ILRUN: variants seen among roughly 807,000 people sequenced by gnomAD.
ILRUN encodes the protein inflammation and lipid regulator with UBA-like and NBR1-like domains.
A neutral mutation model predicts 33.8 loss-of-function variants in ILRUN; 3 were observed. That is an observed-to-expected ratio of 0.09 (90% confidence interval 0.04 to 0.23). The LOEUF is 0.23. ILRUN is among the 10% of genes least tolerant of loss of function. ILRUN has a pLI of 1.00. For synonymous variants in ILRUN, 124 were observed against 138.9 expected, an observed-to-expected ratio of 0.89 and a Z score of 0.75; for missense variants, 210 against 375.1, an observed-to-expected ratio of 0.56 and a Z score of 3.64.
intron 4 of ILRUN, among the ~76,000 whole-genome samples, chr6:34,591,484 C>G (rs1047905625): frequency 6.6e-6 from 1 of 151,026 alleles, no homozygotes; most frequent in Non-Finnish European, 1.5e-5. Context: ...GGCAACAGAG[C>G]GAAATCCTGT....
At chr6:34,680,753 A>C (rs1300903148) in intron 1 of ILRUN, among the ~76,000 whole-genome samples, 2 of 151,610 alleles carry the variant, frequency 1.3e-5, no homozygotes, top group Non-Finnish European at 2.9e-5. Flanking sequence ...TTTTATTTTT[A>C]TATTTTTTTC....
intron 4 of ILRUN, among the ~76,000 whole-genome samples, chr6:34,593,284 T>C (rs1360622036): frequency 2.0e-5 from 3 of 152,212 alleles, no homozygotes; most frequent in Admixed American, 2.0e-4. Flanking sequence ...ATGAAATATT[T>C]ACCCCTTTAC....
chr6:34,678,970 A>G (rs76082214), intron 1 of ILRUN, among the ~76,000 whole-genome samples: 8,825 of 152,044 alleles, frequency 0.058, 495 homozygotes, highest in East Asian at 0.32. Context: ...TTAGCACATG[A>G]AAGTACTCAT....
At chr6:34,660,930 C>T (rs2814999) in intron 1 of ILRUN, among the ~76,000 whole-genome samples, 151,534 of 152,362 alleles carry the variant, frequency 0.99, 75,358 homozygotes, top group Middle Eastern at 1. Context: ...CTCTTTAATA[C>T]GTGAAGACAA....
chr6:34,680,038 C>A (rs1413828064), intron 1 of ILRUN, among the ~76,000 whole-genome samples: 1 of 152,236 alleles, frequency 6.6e-6, no homozygotes, highest in African/African-American at 2.4e-5. Context: ...TTTAAGCCAC[C>A]CAGTTTGTGT....
chr6:34,607,577 T>C lies in ILRUN; in HGVS notation c.512-673A>G, dbSNP rs560363577. 1.6e-3 allele frequency among the ~76,000 whole-genome samples: 249 copies of C among 152,302 alleles called. 2 individuals carry two copies. Among genetic ancestry groups the C allele is most frequent in the African/African-American group, 5.6e-3 (231 of 41,554 alleles). On this transcript the variant is annotated intron_variant, in intron 3 of 4. Coordinates refer to ENST00000374023, the MANE Select transcript of ILRUN (RefSeq NM_024294.4). ...TTTCTGTCATACAGTCATGCATTGC[T>C]TAATGAAGAAGATATGTTCTGAGAA...
In ILRUN at chr6:34,588,486, G is replaced by A. The variant is rs771030604; in HGVS notation, c.*2079C>T. The A allele has an allele frequency of 2.0e-5, 7 of 346,722 alleles. No homozygotes were observed. The highest frequency in any genetic ancestry group is 3.1e-4 in the South Asian group (2 of 6,536). The allele number at this position is 346,722 out of a possible 1,614,324, so 21.5% of individuals were successfully genotyped here. ...GGCTACTAAGCAGTAAGAACAGCTG[G>A]GCATGCATGGGCTCCAGGGAGGCAG... On this transcript the variant is annotated 3_prime_UTR_variant, in exon 5 of 5. Coordinates refer to ENST00000374023, the MANE Select transcript of ILRUN (RefSeq NM_024294.4).
chr6:34,616,569 C>G, intron 3 of ILRUN: 3 of 1,518,312 alleles, frequency 2.0e-6, no homozygotes, highest in Non-Finnish European at 1.8e-6. Context: ...AAGGTTCCTG[C>G]TGTGCCAGAA....
At chr6:34,672,964 A>C (rs550933825) in intron 1 of ILRUN, among the ~76,000 whole-genome samples, 1 of 152,358 alleles carries the variant, frequency 6.6e-6, no homozygotes, top group African/African-American at 2.4e-5. Flanking sequence ...CAAAGTTACC[A>C]AAAGTTTTCA....
At chr6:34,695,701 G>A (rs948685685) in intron 1 of ILRUN, among the ~76,000 whole-genome samples, 3 of 151,394 alleles carry the variant, frequency 2.0e-5, no homozygotes, top group Non-Finnish European at 2.9e-5. Context: ...CTTCCCCCAA[G>A]ATCATCTCAT....
intron 3 of ILRUN, among the ~76,000 whole-genome samples, chr6:34,640,491 T>A (rs1488799371): frequency 6.6e-6 from 1 of 151,972 alleles, no homozygotes; most frequent in Non-Finnish European, 1.5e-5. Context: ...GGTGGGCGGA[T>A]CACAAGGTCA....
intron 4 of ILRUN, among the ~76,000 whole-genome samples, chr6:34,597,296 T>A (rs976752134): frequency 2.6e-5 from 4 of 152,242 alleles, no homozygotes; most frequent in Admixed American, 2.0e-4. Flanking sequence ...TAACAGCAAG[T>A]GTGCTAGAAT....
chr6:34,688,555 G>A (rs1000174315), intron 1 of ILRUN, among the ~76,000 whole-genome samples: 4 of 152,246 alleles, frequency 2.6e-5, no homozygotes, highest in East Asian at 1.9e-4. Context: ...GCTCATGCCT[G>A]TAATCCCAGC....
chr6:34,660,201 G>A lies in ILRUN; in HGVS notation c.159-5422C>T, dbSNP rs181234085. On this transcript the variant is annotated intron_variant, in intron 1 of 4. Coordinates refer to ENST00000374023, the MANE Select transcript of ILRUN (RefSeq NM_024294.4). Reference sequence around the variant, plus strand: ...ACCTATAGTCCCAGCCACTCAGGGGGCTGAAGTGGGAGGATCACTTGATCC... The same window carrying A: ...ACCTATAGTCCCAGCCACTCAGGGGACTGAAGTGGGAGGATCACTTGATCC... 5.3e-5 allele frequency among the ~76,000 whole-genome samples: 8 copies of A among 152,080 alleles called. No individual in the cohort carries two copies. The East Asian group carries it at 1.6e-3, about 29-fold the overall frequency.
At chr6:34,602,462 C>T (rs1028829276) in intron 4 of ILRUN, among the ~76,000 whole-genome samples, 1 of 152,110 alleles carries the variant, frequency 6.6e-6, no homozygotes, top group Non-Finnish European at 1.5e-5. Flanking sequence ...TCATCAGTTT[C>T]GCACTGTCCA....
At chr6:34,634,572 GAAAA>G (rs1382820480) in intron 3 of ILRUN, among the ~76,000 whole-genome samples, 1 of 151,860 alleles carries the variant, frequency 6.6e-6, no homozygotes, top group Non-Finnish European at 1.5e-5. Context: ...TCAAAAGAAA[GAAAA>G]AGAGAAGAGA....
chr6:34,639,459 G>A (rs1004103884), intron 3 of ILRUN, among the ~76,000 whole-genome samples: 7 of 152,178 alleles, frequency 4.6e-5, no homozygotes, highest in Non-Finnish European at 2.9e-5. Context: ...AGTAGGAGAT[G>A]AAGCATATTA....
chr6:34,614,219 G>A lies in ILRUN; in HGVS notation c.512-7315C>T, dbSNP rs149274055. Among the ~76,000 whole-genome samples the A allele has an allele frequency of 7.3e-3, 1,114 of 151,892 alleles. 21 individuals are homozygous for A. The highest frequency in any genetic ancestry group is 0.026 in the African/African-American group (1,057 of 41,392). On this transcript the variant is annotated intron_variant, in intron 3 of 4. Coordinates refer to ENST00000374023, the MANE Select transcript of ILRUN (RefSeq NM_024294.4). ...AGGTGGATCGCCAGGTCAGGAGATC[G>A]AGACCATCCTGGCTAAAACGGTGAA...
chr6:34,674,911 C>T (rs1763195825), intron 1 of ILRUN, among the ~76,000 whole-genome samples: 1 of 151,986 alleles, frequency 6.6e-6, no homozygotes, highest in Admixed American at 6.6e-5. Context: ...CACATACACA[C>T]AAAAAAATTT....
Sources: allele counts gnomAD v4.1 joint callset (sites outside exome capture counted in the v4.1 genomes callset), GRCh38; gene constraint gnomAD v4.1.1; transcripts MANE v1.5; gene names NCBI Gene and HGNC (gene_info 2026-07-23, HGNC 2026-07-21).